Variants in PYCR2 observed in about 807,000 individuals in gnomAD.
PYCR2 encodes pyrroline-5-carboxylate reductase 2, also known as P5C reductase 2.
Under a neutral mutation model 23.4 loss-of-function variants are expected in PYCR2, and 17 were observed. The observed-to-expected ratio is 0.73, with a 90% CI of 0.50 to 1.09. PYCR2 has a LOEUF of 1.09. Ranked by LOEUF, PYCR2 falls within the 50% of genes least tolerant of loss-of-function variation. The pLI, the probability that PYCR2 is intolerant of heterozygous loss-of-function variation, is 0.00. For missense variants in PYCR2, 380 were observed against 423.5 expected, an observed-to-expected ratio of 0.90 and a Z score of 0.90; for synonymous variants, 172 against 176.6, an observed-to-expected ratio of 0.97 and a Z score of 0.21.
rs1671912820 is a variant in PYCR2 at position 225,923,736 on chromosome 1, G to C, written c.103C>G (p.Pro35Ala). 3 of 1,614,140 alleles carry C rather than the reference G, an allele frequency of 1.9e-6. No individual in the cohort carries two copies. Among genetic ancestry groups the C allele is most frequent in the Non-Finnish European group, 2.5e-6 (3 of 1,180,012 alleles). The change falls in exon 2 of 7, where the codon CCA becomes GCA. Residue 35 changes from proline to alanine, a missense_variant. By Grantham distance (27) the Pro-to-Ala change is conservative. Transcript: ENST00000343818. ...LSAHKIIASS[P>A]EMNLPTVSAL... ...GACACCGTGGGCAGGTTCATTTCTG[G>C]GGAGCTGGCTATTATCTTGTGAGCC...
rs1047554189 is a variant in PYCR2 at position 225,924,233 on chromosome 1, A to T, written c.-123T>A. On this transcript the variant is annotated 5_prime_UTR_variant, in exon 1 of 7. Coordinates refer to ENST00000343818, the MANE Select transcript of PYCR2 (RefSeq NM_013328.4). ...GCGGCGTGCCGAGGACCGGCGAGCT[A>T]ACAGCAGCTTCTGGGATGGTGCAAC... 1.3e-5 allele frequency: 15 copies of T among 1,131,454 alleles called. No homozygotes were observed. In the African/African-American group the frequency reaches 1.6e-4, roughly 12 times the overall value. 70.1% of individuals were successfully genotyped at this position (1,131,454 alleles called of 1,614,324 possible).
At chr1:225,920,693 C>A in intron 6 of PYCR2, 73 bp from the exon 7 acceptor site, 1 of 1,517,692 alleles carries the variant, frequency 6.6e-7, no homozygotes, top group Non-Finnish European at 9.1e-7. Context: ...TCTCCACTAT[C>A]CACACAACCC....
Position 225,921,359 on chromosome 1 carries a change from T to C in PYCR2, c.646A>G (p.Met216Val), listed in dbSNP as rs567071372. Residue 216 changes from methionine (M) to valine (V), a missense_variant, in exon 6 of 7, where the codon ATG (methionine) becomes GTG (valine). Physicochemically the swap from Met to Val is conservative, Grantham distance 21. Transcript: ENST00000343818. The surrounding 1 kb of genome is among the most constrained non-coding windows in gnomAD (Gnocchi z 4.2). ...GGATGCTGCTCCGAGTCCAGCAGCA[T>C]CTTGGCAGCTCCCTATGGGGAAGGG... ...GAQALLGAAK[M>V]LLDSEQHPCQ... is the part of the protein sequence containing the mutation. 2 of 1,543,296 alleles carry C rather than the reference T, an allele frequency of 1.3e-6. No individual in the cohort carries two copies. The highest frequency in any genetic ancestry group is 1.7e-5 in the Admixed American group (1 of 59,758).
At chr1:225,922,706 G>C (rs1463031007) in intron 2 of PYCR2, 2 of 340,990 alleles carry the variant, frequency 5.9e-6, no homozygotes, top group Non-Finnish European at 1.1e-5. Flanking sequence ...GCAGGGCAAA[G>C]GGAAATGCTA....
chr1:225,920,350 TG>T lies in PYCR2; in HGVS notation c.*104del, dbSNP rs1671802626. 2 of 1,127,468 alleles carry T rather than the reference TG, an allele frequency of 1.8e-6. No homozygotes were observed. The highest frequency in any genetic ancestry group is 3.9e-5 in the South Asian group (2 of 51,380). The allele number at this position is 1,127,468 out of a possible 1,614,324, so 69.8% of individuals were successfully genotyped here. On this transcript the variant is annotated 3_prime_UTR_variant, in exon 7 of 7. Transcript: ENST00000343818. ...AAACTTCCTAAGCATGCTTTCTCCTTGCACAGCTGAGGAGGGGCAATGGTGG... is the reference window on the plus strand; with the variant it reads ...AAACTTCCTAAGCATGCTTTCTCCTTCACAGCTGAGGAGGGGCAATGGTGG...
At position 225,921,780 on chromosome 1, in the gene PYCR2, C is replaced by A; in HGVS notation, c.540+78G>T. The A allele has an allele frequency of 1.3e-6, 2 of 1,595,318 alleles. No homozygotes were observed. The highest frequency in any genetic ancestry group is 8.6e-7 in the Non-Finnish European group (1 of 1,167,048). On this transcript the variant is annotated intron_variant, in intron 4 of 6. Transcript: ENST00000343818. The surrounding 1 kb of genome is among the most constrained non-coding windows in gnomAD (Gnocchi z 4.2). ...GCTGTGCCCAAGAGGTGGGCGCCAC[C>A]CCCAGTCCAAGCCTGCCTGCCAGCC...
chr1:225,922,180 G>A lies in PYCR2; in HGVS notation c.318+24C>T, dbSNP rs151170973. 2,976 of 1,609,112 alleles carry A rather than the reference G, an allele frequency of 1.8e-3. 3 individuals carry two copies. The highest frequency in any genetic ancestry group is 2.3e-3 in the Non-Finnish European group (2,739 of 1,175,922). On this transcript the variant is annotated intron_variant, in intron 3 of 6. Transcript: ENST00000343818. Reference sequence around the variant, plus strand: ...TGGGTCAACCCTCCCCTCACACAAGGGGCATCAGGGCTGAGATGGGCACCT... The same window carrying A: ...TGGGTCAACCCTCCCCTCACACAAGAGGCATCAGGGCTGAGATGGGCACCT...
chr1:225,922,160 C>T, intron 3 of PYCR2, 44 bp downstream of exon 3: 1 of 1,607,158 alleles, frequency 6.2e-7, no homozygotes, highest in Non-Finnish European at 8.5e-7. Flanking sequence ...ATTCGTGGGT[C>T]AACCCTCCCC....
chr1:225,923,023 T>C (rs925830796), intron 2 of PYCR2: 54 of 978,920 alleles, frequency 5.5e-5, no homozygotes, highest in Non-Finnish European at 3.3e-5. Flanking sequence ...AATATGCTCA[T>C]TCACGACTCA....
chr1:225,923,919 C>G, intron 1 of PYCR2, 125 bp downstream of exon 1: 1 of 1,470,306 alleles, frequency 6.8e-7, no homozygotes, highest in Non-Finnish European at 9.2e-7. Context: ...ACTTGCTGCT[C>G]AACCAGAGTC....
Position 225,920,495 on chromosome 1 carries a change from A to T in PYCR2, c.923T>A (p.Leu308His). ...STLTPSSPGKLLTRSLALGGK... is the reference protein window; with the variant it reads ...STLTPSSPGKHLTRSLALGGK... ...TCCCAGGGCCAGGCTTCTTGTGAGGAGCTTCCCTGGGCTGGAGGGGGTCAG... is the reference window on the plus strand; with the variant it reads ...TCCCAGGGCCAGGCTTCTTGTGAGGTGCTTCCCTGGGCTGGAGGGGGTCAG... The change falls in exon 7 of 7, where the codon CTC becomes CAC. Residue 308 changes from leucine (L) to histidine (H), a missense_variant. Coordinates refer to ENST00000343818, the MANE Select transcript of PYCR2 (RefSeq NM_013328.4). 3 of 1,496,928 alleles carry T rather than the reference A, an allele frequency of 2.0e-6. No individual in the cohort carries two copies. In the East Asian group the frequency reaches 6.9e-5, roughly 34 times the overall value. The allele number at this position is 1,496,928 out of a possible 1,614,324, so 92.7% of individuals were successfully genotyped here. A position where few individuals can be genotyped will look rare whatever the true frequency, so the allele number is the denominator to read the frequency against.
chr1:225,921,347 A>G lies in PYCR2; in HGVS notation c.658T>C (p.Ser220Pro). The G allele has an allele frequency of 1.3e-6, 2 of 1,551,874 alleles. No homozygotes were observed. The highest frequency in any genetic ancestry group is 1.4e-5 in the African/African-American group (1 of 73,578). The change falls in exon 6 of 7, where the codon TCG becomes CCG. Residue 220 changes from serine (S) to proline (P), a missense_variant. Ser to Pro is a moderately conservative substitution (Grantham distance 74). Transcript: ENST00000343818. The surrounding 1 kb of genome is among the most constrained non-coding windows in gnomAD (Gnocchi z 4.2). Reference protein sequence around the residue: ...LLGAAKMLLDSEQHPCQLKDN... With the variant: ...LLGAAKMLLDPEQHPCQLKDN... ...TTAAGCTGGCATGGATGCTGCTCCG[A>G]GTCCAGCAGCATCTTGGCAGCTCCC...
rs1317713360 is a variant in PYCR2, at chr1:225,924,243, T to C, written c.-133A>G. On this transcript the variant is annotated 5_prime_UTR_variant, in exon 1 of 7. Coordinates refer to ENST00000343818, the MANE Select transcript of PYCR2 (RefSeq NM_013328.4). The stretch of plus-strand genomic sequence containing the variant: ...GAGGACCGGCGAGCTAACAGCAGCT[T>C]CTGGGATGGTGCAACCCTATTCTCC... The C allele has an allele frequency of 6.8e-6, 7 of 1,034,178 alleles. No individual in the cohort carries two copies. The East Asian group carries it at 1.6e-4, about 24-fold the overall frequency. The allele number at this position is 1,034,178 out of a possible 1,614,324, so 64.1% of individuals were successfully genotyped here.
At position 225,924,015 on chromosome 1, in the gene PYCR2, G is replaced by A. The variant is rs769642320; in HGVS notation, c.67+29C>T. 19 of 1,488,608 alleles carry A rather than the reference G, an allele frequency of 1.3e-5. No homozygotes were observed. In the South Asian group the frequency reaches 1.6e-4, roughly 13 times the overall value. The allele number at this position is 1,488,608 out of a possible 1,614,324, so 92.2% of individuals were successfully genotyped here. On this transcript the variant is annotated intron_variant, in intron 1 of 6. Transcript: ENST00000343818. ...CCCCTCGGGCCTCGGGACCGCCCGC[G>A]AAGCCGCCTCCCGCCTCCACGCGCT...
intron 1 of PYCR2, 108 bp from the exon 2 acceptor site, chr1:225,923,879 C>T (rs924876844): frequency 1.3e-6 from 2 of 1,523,802 alleles, no homozygotes; most frequent in Admixed American, 1.9e-5. Flanking sequence ...CTCCCTCTCC[C>T]CCTCAACCCT....
chr1:225,923,391 G>C, intron 2 of PYCR2: 1 of 1,090,952 alleles, frequency 9.2e-7, no homozygotes, highest in South Asian at 2.2e-5. Flanking sequence ...GACCCTGTCT[G>C]AAAAAAAATT....
chr1:225,920,697 A>T (rs1325827203), intron 6 of PYCR2, 77 bp from the exon 7 acceptor site: 2 of 1,513,038 alleles, frequency 1.3e-6, no homozygotes, highest in East Asian at 2.3e-5. Context: ...CACTATCCAC[A>T]CAACCCTCAA....
rs377019441 is a variant in PYCR2 at position 225,922,182 on chromosome 1, G to A, written c.318+22C>T. The A allele has an allele frequency of 9.3e-6, 15 of 1,609,164 alleles. No individual in the cohort carries two copies. The African/African-American group carries it at 1.5e-4, about 16-fold the overall frequency. On this transcript the variant is annotated intron_variant, in intron 3 of 6. Coordinates refer to ENST00000343818, the MANE Select transcript of PYCR2 (RefSeq NM_013328.4). ...GGTCAACCCTCCCCTCACACAAGGG[G>A]CATCAGGGCTGAGATGGGCACCTTC...
intron 2 of PYCR2, chr1:225,923,033 A>T (rs1671887353): frequency 6.1e-6 from 6 of 977,526 alleles, no homozygotes; most frequent in Non-Finnish European, 7.3e-6. Flanking sequence ...TTCACGACTC[A>T]GAATAACAGC....
Sources: gnomAD v4.1 joint callset for allele counts on GRCh38, gnomAD v4.1.1 for gene constraint, Gnocchi (gnomAD v3.1) non-coding constraint, MANE v1.5 for transcripts, NCBI Gene and HGNC (gene_info 2026-07-23, HGNC 2026-07-21) for gene names.